The following PXDNL variants were observed in gnomAD, a reference collection of about 807,000 sequenced individuals.
PXDNL encodes the protein probable oxidoreductase PXDNL.
In PXDNL, 145 loss-of-function variants were observed where a neutral mutation model predicts 150.8. That is an observed-to-expected ratio of 0.96 (90% CI 0.84 to 1.10). PXDNL has a LOEUF of 1.10. Among genes scored for constraint, PXDNL ranks in the 50% least tolerant of loss-of-function variants. The pLI is 0.00. For missense variants in PXDNL, 2,087 were observed against 1,873.9 expected (o/e 1.11, Z -2.10); for synonymous variants, 757 against 725.7 (o/e 1.04, Z -0.69).
intron 2 of PXDNL, among the ~76,000 whole-genome samples, chr8:51,612,047 G>A (rs1814017356): frequency 1.3e-5 from 2 of 152,216 alleles, no homozygotes; most frequent in African/African-American, 4.8e-5. Context: ...GGACTCAAGA[G>A]TCCTTTAACC....
At chr8:51,593,534 A>C (rs1463579393) in intron 2 of PXDNL, among the ~76,000 whole-genome samples, 4 of 152,210 alleles carry the variant, frequency 2.6e-5, no homozygotes, top group African/African-American at 9.6e-5. Context: ...ATTCACTTTT[A>C]GCATATTACA....
intron 5 of PXDNL, among the ~76,000 whole-genome samples, chr8:51,486,784 ATATATATATATTTTTTTTTTTTTTTTT>A (rs1810765280): frequency 4.4e-5 from 1 of 22,850 alleles, no homozygotes; most frequent in African/African-American, 1.8e-4. Flanking sequence ...ATATATATAT[ATATATATATATTTTTTTTTTTTTTTTT>A]TTTTTTTTTT....
In PXDNL at chr8:51,345,753, A is replaced by T. The variant is rs1806131498; in HGVS notation, c.4016+80T>A. 3 of 780,810 alleles carry T rather than the reference A, an allele frequency of 3.8e-6. No homozygotes were observed. In the South Asian group the frequency reaches 5.0e-5, roughly 13 times the overall value. 48.4% of individuals were successfully genotyped at this position (780,810 alleles called of 1,614,324 possible). A position where few individuals can be genotyped will look rare whatever the true frequency, so the allele number is the denominator to read the frequency against. ...AAATAAGTTAACTGTGGTCTCTATT[A>T]AAAAAGATAAAAACAAATTGTAGGT... is the stretch of plus-strand genomic sequence containing the variant. On this transcript the variant is annotated intron_variant, in intron 20 of 22. Coordinates refer to ENST00000356297, the MANE Select transcript of PXDNL (RefSeq NM_144651.5).
chr8:51,338,935 A>G (rs1305734318), intron 21 of PXDNL, among the ~76,000 whole-genome samples: 1 of 152,156 alleles, frequency 6.6e-6, no homozygotes, highest in African/African-American at 2.4e-5. Context: ...TTGATAAGAA[A>G]AGTATACATC....
intron 20 of PXDNL, 34 bp downstream of exon 20, chr8:51,345,799 G>T: frequency 7.6e-7 from 1 of 1,324,482 alleles, no homozygotes; most frequent in Non-Finnish European, 1.1e-6. Flanking sequence ...TCTATAGTAA[G>T]TTGCCTAAAG....
intron 3 of PXDNL, among the ~76,000 whole-genome samples, chr8:51,568,029 T>A (rs1430809456): frequency 1.3e-5 from 2 of 151,826 alleles, no homozygotes; most frequent in Non-Finnish European, 2.9e-5. Flanking sequence ...AAGGGCTGAC[T>A]GTATTTCCAA....
At chr8:51,393,883 T>C (rs1168994919) in intron 17 of PXDNL, among the ~76,000 whole-genome samples, 1 of 152,238 alleles carries the variant, frequency 6.6e-6, no homozygotes, top group Admixed American at 6.5e-5. Context: ...GCAAGACCAA[T>C]TTCCGACTCC....
chr8:51,446,060 TG>T (rs1305369484), intron 12 of PXDNL, among the ~76,000 whole-genome samples: 1 of 152,028 alleles, frequency 6.6e-6, no homozygotes, highest in African/African-American at 2.4e-5. Flanking sequence ...ACATTTAATA[TG>T]TCTAAAATAT....
intron 19 of PXDNL, among the ~76,000 whole-genome samples, chr8:51,368,857 G>T (rs183701598): frequency 1.3e-5 from 2 of 151,916 alleles, no homozygotes; most frequent in African/African-American, 4.8e-5. Flanking sequence ...TTAGCCGGGC[G>T]CAGTGGTGCG....
In PXDNL at chr8:51,408,615, C is replaced by A. The variant is rs1024708958; in HGVS notation, c.3009G>T (p.Lys1003Asn). ...EGNTVYQEAR[K>N]IVGAELQHIT... ...TGTGCTGCAGCTCCGCGCCCACGAT[C>A]TTCCTGGCTTCCTGGTAAACCGTGT... The change falls in exon 17 of 23, where the codon AAG becomes AAT. Residue 1003 changes from lysine to asparagine, a missense_variant. By Grantham distance (94) the Lys-to-Asn change is moderately conservative. Coordinates refer to ENST00000356297, the MANE Select transcript of PXDNL (RefSeq NM_144651.5). 1.9e-6 allele frequency: 3 copies of A among 1,609,852 alleles called. No homozygotes were observed. The highest frequency in any genetic ancestry group is 1.7e-4 in the Middle Eastern group (1 of 6,060).
intron 1 of PXDNL, among the ~76,000 whole-genome samples, chr8:51,746,792 G>A (rs571283102): frequency 1.3e-5 from 2 of 152,326 alleles, no homozygotes; most frequent in South Asian, 4.1e-4. Context: ...TGTGATCACG[G>A]TTCACTGCAG....
chr8:51,766,766 AGATT>A (rs751253458), intron 1 of PXDNL, among the ~76,000 whole-genome samples: 17 of 152,112 alleles, frequency 1.1e-4, no homozygotes, highest in Non-Finnish European at 2.1e-4. Context: ...TGTCTTCAAC[AGATT>A]GATTATGGTC....
At chr8:51,455,016 G>C (rs1285275561) in intron 9 of PXDNL, among the ~76,000 whole-genome samples, 3 of 95,624 alleles carry the variant, frequency 3.1e-5, no homozygotes, top group African/African-American at 7.3e-5. Flanking sequence ...GGCTGAGGCA[G>C]GAGAATGGCG....
intron 15 of PXDNL, 145 bp from the exon 16 acceptor site, chr8:51,411,552 A>G (rs1808651108): frequency 1.5e-6 from 1 of 677,758 alleles, no homozygotes; most frequent in African/African-American, 1.9e-5. Flanking sequence ...TCTACAGAGG[A>G]GCTGTGGGTT....
At chr8:51,683,661 G>A (rs1183000181) in intron 1 of PXDNL, among the ~76,000 whole-genome samples, 1 of 152,040 alleles carries the variant, frequency 6.6e-6, no homozygotes, top group African/African-American at 2.4e-5. Flanking sequence ...GCTCCCCTAA[G>A]AGGTGGTTTT....
intron 12 of PXDNL, among the ~76,000 whole-genome samples, chr8:51,434,397 T>C (rs377731330): frequency 1.3e-5 from 2 of 152,370 alleles, no homozygotes; most frequent in African/African-American, 4.8e-5. Context: ...TCTGGCCCTA[T>C]GCCTTGTTGC....
chr8:51,353,821 T>C (rs753257064), intron 19 of PXDNL, among the ~76,000 whole-genome samples: 5 of 152,176 alleles, frequency 3.3e-5, no homozygotes, highest in Non-Finnish European at 7.4e-5. Context: ...TTTCAGTGAA[T>C]GCTTTTCTTA....
intron 3 of PXDNL, among the ~76,000 whole-genome samples, chr8:51,557,914 G>C (rs756821598): frequency 6.6e-6 from 1 of 152,120 alleles, no homozygotes; most frequent in Admixed American, 6.6e-5. Context: ...ACTCCAGTCA[G>C]TTTCTAAAAG....
intron 4 of PXDNL, among the ~76,000 whole-genome samples, chr8:51,534,286 G>C: frequency 7.1e-6 from 1 of 141,242 alleles, no homozygotes; most frequent in African/African-American, 2.9e-5. Context: ...CCCTCCGTCC[G>C]GCAGCCACCC....
Sources: gnomAD v4.1 joint callset for allele counts (sites outside exome capture counted in the v4.1 genomes callset) on GRCh38, gnomAD v4.1.1 for gene constraint, MANE v1.5 for transcripts, NCBI Gene and HGNC (gene_info 2026-07-23, HGNC 2026-07-21) for gene names.